The following SEC63 variants were observed in gnomAD, a reference collection of about 807,000 sequenced individuals.
SEC63 encodes the protein SEC63 protein translocation regulator.
A neutral mutation model predicts 116.2 loss-of-function variants in SEC63; 56 were observed. The observed-to-expected ratio is 0.48, with a 90% confidence interval of 0.39 to 0.60. The LOEUF is 0.60. Ranked by LOEUF, SEC63 falls within the 20% of genes least tolerant of loss-of-function variation. SEC63 has a pLI of 0.00. For synonymous variants in SEC63, 273 were observed against 294.6 expected (o/e 0.93, Z 0.75); for missense variants, 668 against 900.0 (o/e 0.74, Z 3.30).
Position 107,892,034 on chromosome 6 carries a change from C to G in SEC63, c.1674+1448G>C, listed in dbSNP as rs147069436. The stretch of plus-strand genomic sequence containing the variant: ...AGTCAGGATTCATGGGAGTCAGGGA[C>G]CCACTTGAGGAGGCAGTCTGTCCCT... On this transcript the variant is annotated intron_variant, in intron 16 of 20. Coordinates refer to ENST00000369002, the MANE Select transcript of SEC63 (RefSeq NM_007214.5). 1.4e-3 allele frequency among the ~76,000 whole-genome samples: 218 copies of G among 152,304 alleles called. 1 individual carries two copies. In the Middle Eastern group the frequency reaches 0.02, roughly 14 times the overall value.
intron 11 of SEC63, 28 bp from the exon 12 acceptor site, chr6:107,903,026 AG>A (rs746307082): frequency 6.2e-7 from 1 of 1,613,148 alleles, no homozygotes; most frequent in Non-Finnish European, 8.5e-7. Flanking sequence ...AAAAAGAAAC[AG>A]GGCTGGACTT....
chr6:107,918,058 G>A (rs186648394), intron 4 of SEC63, among the ~76,000 whole-genome samples: 63 of 152,296 alleles, frequency 4.1e-4, no homozygotes, highest in East Asian at 3.9e-4. Context: ...CTTGGTAGGG[G>A]CTAACGTTGC....
At chr6:107,899,236 C>T (rs1161840349) in intron 13 of SEC63, among the ~76,000 whole-genome samples, 1 of 152,164 alleles carries the variant, frequency 6.6e-6, no homozygotes, top group African/African-American at 2.4e-5. Context: ...TATATTTCTT[C>T]TACTCCTCCT....
intron 1 of SEC63, among the ~76,000 whole-genome samples, chr6:107,933,167 T>TA (rs1466900765): frequency 8.6e-5 from 13 of 151,956 alleles, no homozygotes; most frequent in Middle Eastern, 3.4e-3. Flanking sequence ...GGCCACAAGC[T>TA]AAAAAAATAC....
chr6:107,908,953 T>G lies in SEC63; in HGVS notation c.707A>C (p.Tyr236Ser). ...RTTQIYTYFV[Y>S]KTRNMDMKRL... is the part of the protein sequence containing the mutation. ...TTTCATATCCATATTTCGGGTTTTA[T>G]AAACAAAGTATGTATAAATCTGTGT... Residue 236 changes from tyrosine (Y) to serine (S), a missense_variant, in exon 8 of 21, where the codon TAT (tyrosine) becomes TCT (serine). Around this residue, in one of 5 missense-constraint regions of SEC63, gnomAD observed 430 missense variants for 557.5 expected, o/e 0.77. Transcript: ENST00000369002. 4 of 1,611,222 alleles carry G rather than the reference T, an allele frequency of 2.5e-6. No individual in the cohort carries two copies. Among genetic ancestry groups the G allele is most frequent in the Non-Finnish European group, 3.4e-6 (4 of 1,177,512 alleles).
At chr6:107,925,013 A>G in intron 2 of SEC63, 81 bp from the exon 3 acceptor site, 1 of 810,306 alleles carries the variant, frequency 1.2e-6, no homozygotes, top group East Asian at 2.4e-5. Context: ...GTCAAGGCAA[A>G]AACTCTACAG....
chr6:107,899,958 C>T (rs1190761839), intron 13 of SEC63, among the ~76,000 whole-genome samples: 2 of 152,184 alleles, frequency 1.3e-5, no homozygotes, highest in Non-Finnish European at 2.9e-5. Context: ...TCCAGCCAAA[C>T]TGAAACCAGA....
At chr6:107,902,742 TA>T in intron 12 of SEC63, 101 bp downstream of exon 12, 1 of 1,134,500 alleles carries the variant, frequency 8.8e-7, no homozygotes, top group Non-Finnish European at 1.3e-6. Context: ...ATTCTAAATC[TA>T]AAAAATGCAT....
chr6:107,958,122 CCT>C lies in SEC63; in HGVS notation c.-115_-114del, dbSNP rs2114531065. On this transcript the variant is annotated 5_prime_UTR_variant, in exon 1 of 21. Coordinates refer to ENST00000369002, the MANE Select transcript of SEC63 (RefSeq NM_007214.5). ...CGTAGCTTGGACACTGCCGCCGCCG[CCT>C]CTCCTCCCCGCCCCCACGCCACTCT... is the stretch of plus-strand genomic sequence containing the variant. 2 of 1,499,720 alleles carry C rather than the reference CCT, an allele frequency of 1.3e-6. No homozygotes were observed. The highest frequency in any genetic ancestry group is 2.8e-5 in the African/African-American group (2 of 72,428). The allele number at this position is 1,499,720 out of a possible 1,614,324, so 92.9% of individuals were successfully genotyped here. A position where few individuals can be genotyped will look rare whatever the true frequency, so the allele number is the denominator to read the frequency against.
At chr6:107,908,532 G>T (rs13204391) in intron 8 of SEC63, among the ~76,000 whole-genome samples, 1 of 151,894 alleles carries the variant, frequency 6.6e-6, no homozygotes, top group Non-Finnish European at 1.5e-5. Flanking sequence ...GTTACTTTTC[G>T]GTGCCTCAGT....
chr6:107,945,611 T>A (rs1208466314), intron 1 of SEC63, among the ~76,000 whole-genome samples: 1 of 151,818 alleles, frequency 6.6e-6, no homozygotes, highest in East Asian at 1.9e-4. Flanking sequence ...GCCGAGAACA[T>A]CTTTTTAAAA....
At chr6:107,883,181 A>T (rs371071025) in intron 16 of SEC63, 35 bp from the exon 17 acceptor site, 55 of 1,608,134 alleles carry the variant, frequency 3.4e-5, no homozygotes, top group Non-Finnish European at 4.2e-5. Flanking sequence ...GATTCTGCAT[A>T]TCTCAATGAG....
chr6:107,888,073 C>A (rs371780272), intron 16 of SEC63, among the ~76,000 whole-genome samples: 1 of 152,082 alleles, frequency 6.6e-6, no homozygotes, highest in Admixed American at 6.6e-5. Context: ...CTTGGCTATG[C>A]GGGCTCTTTT....
At chr6:107,873,299 A>G (rs560032241) in intron 19 of SEC63, among the ~76,000 whole-genome samples, 3 of 152,206 alleles carry the variant, frequency 2.0e-5, no homozygotes, top group Non-Finnish European at 4.4e-5. Flanking sequence ...CTTCCTGCCA[A>G]ATTTTCTTAT....
At chr6:107,931,428 T>A (rs1310009808) in intron 1 of SEC63, among the ~76,000 whole-genome samples, 3 of 151,072 alleles carry the variant, frequency 2.0e-5, no homozygotes, top group Non-Finnish European at 4.4e-5. Flanking sequence ...GCAAAAATAG[T>A]ATGTATTGTT....
chr6:107,895,223 G>C (rs1786787367), intron 14 of SEC63, among the ~76,000 whole-genome samples: 5 of 151,980 alleles, frequency 3.3e-5, no homozygotes, highest in Admixed American at 3.3e-4. Flanking sequence ...CCAAATTTTT[G>C]CTCATTTTTC....
intron 13 of SEC63, 68 bp downstream of exon 13, chr6:107,901,302 G>C: frequency 2.1e-6 from 3 of 1,453,438 alleles, no homozygotes; most frequent in South Asian, 1.1e-5. Context: ...TGAGAATCCT[G>C]AGTCAAATAA....
rs1225045763 is a variant in SEC63, at chr6:107,901,452, G to T, written c.1275C>A (p.His425Gln). The change falls in exon 13 of 21, where the codon CAC becomes CAA. Residue 425 changes from histidine (H) to glutamine (Q), a missense_variant. By Grantham distance (24) the His-to-Gln change is conservative. Coordinates refer to ENST00000369002, the MANE Select transcript of SEC63 (RefSeq NM_007214.5). ...LKESDRHTLL[H>Q]FLEDEKYEEV... Reference sequence around the variant, plus strand: ...CTTCATATTTTTCATCTTCAAGGAAGTGCAGTAGAGTGTGACGATCTGATT... The same window carrying T: ...CTTCATATTTTTCATCTTCAAGGAATTGCAGTAGAGTGTGACGATCTGATT... The T allele has an allele frequency of 1.2e-6, 2 of 1,611,024 alleles. No individual in the cohort carries two copies. Among genetic ancestry groups the T allele is most frequent in the South Asian group, 2.2e-5 (2 of 91,016 alleles).
At chr6:107,885,858 TG>T (rs1168567853) in intron 16 of SEC63, among the ~76,000 whole-genome samples, 2 of 151,806 alleles carry the variant, frequency 1.3e-5, no homozygotes, top group East Asian at 1.9e-4. Context: ...TATCATCTGT[TG>T]TTTTTTTTTA....
Sources: gnomAD v4.1 joint callset for allele counts (sites outside exome capture counted in the v4.1 genomes callset) on GRCh38, gnomAD v4.1.1 for gene constraint, gnomAD v4.1.1 regional missense constraint, MANE v1.5 for transcripts, NCBI Gene and HGNC (gene_info 2026-07-23, HGNC 2026-07-21) for gene names.